SESTD1: variants seen among roughly 807,000 people sequenced by gnomAD.
The protein encoded by SESTD1 is SEC14 domain and spectrin repeat-containing protein 1.
In SESTD1, 43 loss-of-function variants were observed where a neutral mutation model predicts 101.7. The ratio of observed to expected loss-of-function variants is 0.42; its 90% CI spans 0.33 to 0.55. The LOEUF (loss-of-function observed/expected upper bound fraction) is 0.55. SESTD1 is among the 20% of genes least tolerant of loss of function. SESTD1 has a pLI of 0.07. For missense variants in SESTD1, 647 were observed against 815.1 expected (o/e 0.79, Z 2.51); for synonymous variants, 283 against 286.8 (o/e 0.99, Z 0.13).
intron 10 of SESTD1, among the ~76,000 whole-genome samples, chr2:179,129,185 C>T (rs1433773850): frequency 2.0e-5 from 3 of 152,298 alleles, no homozygotes; most frequent in South Asian, 4.1e-4. Flanking sequence ...TCTTTGTAGA[C>T]CAGAACTCAG....
In SESTD1 at chr2:179,121,795, C is replaced by A; in HGVS notation, c.1417G>T (p.Glu473Ter). The A allele has an allele frequency of 6.3e-7, 1 of 1,594,472 alleles. No individual in the cohort carries two copies. Among genetic ancestry groups the A allele is most frequent in the South Asian group, 1.1e-5 (1 of 87,230 alleles). Residue 473 changes from glutamate to a stop codon, truncating the protein, a stop_gained, in exon 13 of 18, where the codon GAA (glutamate) becomes TAA (stop). Transcript: ENST00000428443. LOFTEE classifies it high-confidence loss of function. ...ENVDHIQGVMEDMQLRKQRCE... is the reference protein window; with the variant it reads ...ENVDHIQGVM ...CTTTGTTTTCTAAGCTGCATATCTT[C>A]CATCACTCCTTGTATGTGGTCCACA...
chr2:179,231,736 T>G (rs543390963), intron 1 of SESTD1, among the ~76,000 whole-genome samples: 3 of 145,450 alleles, frequency 2.1e-5, no homozygotes, highest in African/African-American at 7.6e-5. Context: ...AAAAAAAATT[T>G]AAAAAATTTA....
chr2:179,165,103 G>A (rs2045812521), intron 5 of SESTD1, among the ~76,000 whole-genome samples: 1 of 152,124 alleles, frequency 6.6e-6, no homozygotes. Context: ...CCCCCTTAAA[G>A]CCGGGTTTGC....
intron 1 of SESTD1, among the ~76,000 whole-genome samples, chr2:179,253,261 G>A (rs772143815): frequency 1.3e-5 from 2 of 152,138 alleles, no homozygotes; most frequent in Non-Finnish European, 2.9e-5. Context: ...CTGAGAAACT[G>A]TCAGAGGAGA....
rs184495549 is a variant in SESTD1, at chr2:179,172,216, C to T, written c.273G>A (p.Glu91=). 27 of 1,602,126 alleles carry T rather than the reference C, an allele frequency of 1.7e-5. No homozygotes were observed. In the East Asian group the frequency reaches 5.4e-4, roughly 32 times the overall value. ...VVMLQNVVPA[E]VSLVCVVKPD... is the part of the protein sequence containing the mutation. ...GCTTTACCACACAAACAAGGGACAC[C>T]TCAGCTGGAACAACATTCTATAAAA... The change falls in exon 5 of 18, where the codon GAG becomes GAA. Residue 91 remains glutamate, a synonymous_variant. Transcript: ENST00000428443.
rs71023474 is a variant in SESTD1 at position 179,230,113 on chromosome 2, C to CTTTTTTTTTTTTTTTTTTTTTTTTTT, written c.-26+34360_-26+34385dup. ...AAATATTCCAAACTGGATTGTATCT[C>CTTTTTTTTTTTTTTTTTTTTTTTTTT]TTTTTTTTTTTTTTTTTTTTTTTTT... On this transcript the variant is annotated intron_variant, in intron 1 of 17. Coordinates refer to ENST00000428443, the MANE Select transcript of SESTD1 (RefSeq NM_178123.5). Among the ~76,000 whole-genome samples, 5 of 56,404 alleles carry CTTTTTTTTTTTTTTTTTTTTTTTTTT rather than the reference C, an allele frequency of 8.9e-5. 2 individuals are homozygous for CTTTTTTTTTTTTTTTTTTTTTTTTTT. Among genetic ancestry groups the CTTTTTTTTTTTTTTTTTTTTTTTTTT allele is most frequent in the Admixed American group, 5.8e-4 (2 of 3,424 alleles). 37.0% of individuals were successfully genotyped at this position (56,404 alleles called of 152,430 possible).
In SESTD1 at chr2:179,204,439, T is replaced by G. The variant is rs1302940789; in HGVS notation, c.-25-12573A>C. On this transcript the variant is annotated intron_variant, in intron 1 of 17. Transcript: ENST00000428443. ...AACTTTTTTGCCATAACCCATACCT[T>G]ATAGCTTAACAACGTAGAGCCAATC... Among the ~76,000 whole-genome samples, 5 of 134,786 alleles carry G rather than the reference T, an allele frequency of 3.7e-5. 1 individual carries two copies. The highest frequency in any genetic ancestry group is 8.0e-5 in the Non-Finnish European group (5 of 62,738). 88.4% of individuals were successfully genotyped at this position (134,786 alleles called of 152,430 possible). A position where few individuals can be genotyped will look rare whatever the true frequency, so the allele number is the denominator to read the frequency against.
chr2:179,200,134 G>A (rs1039370773), intron 1 of SESTD1, among the ~76,000 whole-genome samples: 7 of 151,758 alleles, frequency 4.6e-5, no homozygotes, highest in Non-Finnish European at 1.0e-4. Flanking sequence ...ACCAACAACA[G>A]ACAGAGAGCC....
Position 179,109,544 on chromosome 2 carries a change from A to G in SESTD1, c.*355T>C. On this transcript the variant is annotated 3_prime_UTR_variant, in exon 18 of 18. Transcript: ENST00000428443. Reference sequence around the variant, plus strand: ...ACTAAATCACCTGTGGAGGAAGGGCAACTTTTTTTTTTCTTTTTAATAGAG... The same window carrying G: ...ACTAAATCACCTGTGGAGGAAGGGCGACTTTTTTTTTTCTTTTTAATAGAG... 1 of 395,510 alleles carries G rather than the reference A, an allele frequency of 2.5e-6. No individual in the cohort carries two copies. Among genetic ancestry groups the G allele is most frequent in the Non-Finnish European group, 4.5e-6 (1 of 224,194 alleles). The allele number at this position is 395,510 out of a possible 1,614,324, so 24.5% of individuals were successfully genotyped here.
chr2:179,218,603 C>T (rs2046759285), intron 1 of SESTD1, among the ~76,000 whole-genome samples: 2 of 152,168 alleles, frequency 1.3e-5, no homozygotes, highest in African/African-American at 4.8e-5. Context: ...AAAATAAGTA[C>T]TTCTTAGAAC....
chr2:179,200,929 A>C lies in SESTD1; in HGVS notation c.-25-9063T>G, dbSNP rs1356102399. On this transcript the variant is annotated intron_variant, in intron 1 of 17. Coordinates refer to ENST00000428443, the MANE Select transcript of SESTD1 (RefSeq NM_178123.5). ...AAGACAAAATTGACAAATGGGATCT[A>C]ATTAAACTCAAGAGCTTCTGCACAG... 3.0e-5 allele frequency among the ~76,000 whole-genome samples: 4 copies of C among 134,430 alleles called. 1 individual carries two copies. The highest frequency in any genetic ancestry group is 5.9e-5 in the African/African-American group (2 of 33,860). The allele number at this position is 134,430 out of a possible 152,430, so 88.2% of individuals were successfully genotyped here.
At chr2:179,184,555 T>G (rs555643934) in intron 2 of SESTD1, among the ~76,000 whole-genome samples, 25 of 151,734 alleles carry the variant, frequency 1.6e-4, no homozygotes, top group Non-Finnish European at 2.6e-4. Flanking sequence ...TATGTGTCAT[T>G]TCTCAAAAAA....
intron 17 of SESTD1, among the ~76,000 whole-genome samples, chr2:179,111,300 G>A (rs1575417060): frequency 6.6e-6 from 1 of 152,180 alleles, no homozygotes; most frequent in African/African-American, 2.4e-5. Context: ...GGAATAAAAT[G>A]CCATCTTTTC....
At chr2:179,183,019 G>C (rs1446673) in intron 3 of SESTD1, 61 bp downstream of exon 3, 735,222 of 1,113,338 alleles carry the variant, frequency 0.66, 248,293 homozygotes, top group East Asian at 0.85. Flanking sequence ...ACAATAGAAA[G>C]AATCATTAGT....
intron 1 of SESTD1, among the ~76,000 whole-genome samples, chr2:179,234,604 C>G (rs954668257): frequency 6.6e-6 from 1 of 151,982 alleles, no homozygotes; most frequent in Non-Finnish European, 1.5e-5. Context: ...ATGGTGAAAC[C>G]CCGTCTCTAC....
At position 179,214,262 on chromosome 2, in the gene SESTD1, C is replaced by T. The variant is rs1559146526; in HGVS notation, c.-25-22396G>A. 2.2e-5 allele frequency among the ~76,000 whole-genome samples: 3 copies of T among 133,550 alleles called. 1 individual carries two copies. Among genetic ancestry groups the T allele is most frequent in the Non-Finnish European group, 4.8e-5 (3 of 62,520 alleles). The allele number at this position is 133,550 out of a possible 152,430, so 87.6% of individuals were successfully genotyped here. ...TCTCACATGTAGAGGCACACATAGG[C>T]TCAAAATAAAGGGATGGAGGAAGAT... On this transcript the variant is annotated intron_variant, in intron 1 of 17. Transcript: ENST00000428443.
rs1287196652 is a variant in SESTD1, at chr2:179,104,346, A to G, written c.*5553T>C. The G allele has an allele frequency of 6.6e-6, 1 of 152,212 alleles. No individual in the cohort carries two copies. The highest frequency in any genetic ancestry group is 1.5e-5 in the Non-Finnish European group (1 of 68,034). 9.4% of individuals were successfully genotyped at this position (152,212 alleles called of 1,614,324 possible). A position where few individuals can be genotyped will look rare whatever the true frequency, so the allele number is the denominator to read the frequency against. On this transcript the variant is annotated 3_prime_UTR_variant, in exon 18 of 18. Transcript: ENST00000428443. The stretch of plus-strand genomic sequence containing the variant: ...TATTCTGAGCAAATCTGTTGGCCAT[A>G]AAGATAACATAAGAGTTAAGATGAG...
intron 1 of SESTD1, among the ~76,000 whole-genome samples, chr2:179,239,071 T>A (rs2047111293): frequency 6.6e-6 from 1 of 152,218 alleles, no homozygotes. Flanking sequence ...ATTTATTATC[T>A]ATATTTGTGC....
Position 179,176,313 on chromosome 2 carries a change from A to T in SESTD1, c.255+135T>A. 1.1e-5 allele frequency: 7 copies of T among 656,272 alleles called. No individual in the cohort carries two copies. The South Asian group carries it at 1.3e-4, about 13-fold the overall frequency. 40.7% of individuals were successfully genotyped at this position (656,272 alleles called of 1,614,324 possible). Reference sequence around the variant, plus strand: ...GTTGAATTTGAACAATCCAATAGTGATAAGTGCATTTTCACAACTCAGTCA... The same window carrying T: ...GTTGAATTTGAACAATCCAATAGTGTTAAGTGCATTTTCACAACTCAGTCA... On this transcript the variant is annotated intron_variant, in intron 4 of 17. Transcript: ENST00000428443.
Sources: allele counts gnomAD v4.1 joint callset (sites outside exome capture counted in the v4.1 genomes callset), GRCh38; gene constraint gnomAD v4.1.1; transcripts MANE v1.5; gene names NCBI Gene and HGNC (gene_info 2026-07-23, HGNC 2026-07-21).